Variants in DUSP19 observed in about 807,000 individuals in gnomAD.
The protein encoded by DUSP19 is dual specificity phosphatase 19, also known as dual specificity protein phosphatase 19.
DUSP19 carries 14 observed loss-of-function variants against 16.6 expected under a neutral mutation model. That is an observed-to-expected ratio of 0.84 (90% CI 0.56 to 1.32). The LOEUF (loss-of-function observed/expected upper bound fraction) is 1.32. Among genes scored for constraint, DUSP19 ranks in the 40% most tolerant of loss-of-function variants. DUSP19 has a pLI of 0.00. For synonymous variants in DUSP19, 81 were observed against 90.5 expected (o/e 0.90, Z 0.59); for missense variants, 258 against 255.9 (o/e 1.01, Z -0.06).
At chr2:183,079,886 C>T (rs974680503) in intron 1 of DUSP19, among the ~76,000 whole-genome samples, 2 of 152,158 alleles carry the variant, frequency 1.3e-5, no homozygotes, top group Admixed American at 1.3e-4. Context: ...GAAATTAAGA[C>T]TTGGAAAGAC....
intron 1 of DUSP19, among the ~76,000 whole-genome samples, chr2:183,082,668 C>G (rs1426999157): frequency 6.6e-6 from 1 of 152,124 alleles, no homozygotes; most frequent in Non-Finnish European, 1.5e-5. Flanking sequence ...AAGTGATCCA[C>G]CCACCTCAGC....
chr2:183,089,305 T>C (rs145996790), intron 3 of DUSP19, among the ~76,000 whole-genome samples: 1 of 152,208 alleles, frequency 6.6e-6, no homozygotes, highest in African/African-American at 2.4e-5. Flanking sequence ...CCACCCAAAA[T>C]ACCTCTGGAC....
chr2:183,082,670 C>T (rs1284345072), intron 1 of DUSP19, among the ~76,000 whole-genome samples: 1 of 152,040 alleles, frequency 6.6e-6, no homozygotes, highest in Admixed American at 6.6e-5. Flanking sequence ...GTGATCCACC[C>T]ACCTCAGCCT....
intron 3 of DUSP19, among the ~76,000 whole-genome samples, chr2:183,091,333 C>G (rs1188348939): frequency 2.0e-5 from 3 of 152,008 alleles, no homozygotes; most frequent in African/African-American, 7.3e-5. Flanking sequence ...AAACGCCCAT[C>G]AAAGCAAAGA....
intron 1 of DUSP19, among the ~76,000 whole-genome samples, chr2:183,081,590 A>T (rs1030558170): frequency 5.3e-5 from 8 of 152,166 alleles, no homozygotes; most frequent in Non-Finnish European, 1.2e-4. Flanking sequence ...TTTCCTCTGG[A>T]GTTGGTTAGG....
chr2:183,089,814 C>T (rs1699709534), intron 3 of DUSP19, among the ~76,000 whole-genome samples: 1 of 152,190 alleles, frequency 6.6e-6, no homozygotes, highest in African/African-American at 2.4e-5. Context: ...ATTTCCCTGC[C>T]CTGAAAACTC....
At chr2:183,085,877 T>G (rs1038755623) in intron 2 of DUSP19, among the ~76,000 whole-genome samples, 17 of 110,142 alleles carry the variant, frequency 1.5e-4, no homozygotes, top group African/African-American at 5.4e-4. Flanking sequence ...TTTTTTTTTT[T>G]TTTTTTGAGG....
intron 3 of DUSP19, among the ~76,000 whole-genome samples, chr2:183,093,435 A>G (rs1340031411): frequency 6.6e-6 from 1 of 152,212 alleles, no homozygotes; most frequent in Non-Finnish European, 1.5e-5. Flanking sequence ...AGAAGTCAGA[A>G]TTAGCTGTAC....
intron 3 of DUSP19, among the ~76,000 whole-genome samples, chr2:183,091,943 A>T (rs987693679): frequency 2.0e-5 from 3 of 152,074 alleles, no homozygotes; most frequent in African/African-American, 7.2e-5. Context: ...TGTATTTGTC[A>T]TATTTACATT....
Position 183,099,920 on chromosome 2 carries a change from C to T in DUSP19, c.*4262C>T, listed in dbSNP as rs1699852980. On this transcript the variant is annotated 3_prime_UTR_variant, in exon 4 of 4. Coordinates refer to ENST00000354221, the MANE Select transcript of DUSP19 (RefSeq NM_080876.4). ...GCTGAGGTAGGAGAATTGCTTGACCCTGGGAGGTGGAGGTGGCAGTGAGCC... is the reference window on the plus strand; with the variant it reads ...GCTGAGGTAGGAGAATTGCTTGACCTTGGGAGGTGGAGGTGGCAGTGAGCC... 1 of 151,172 alleles carries T rather than the reference C, an allele frequency of 6.6e-6. No individual in the cohort carries two copies. Among genetic ancestry groups the T allele is most frequent in the South Asian group, 2.1e-4 (1 of 4,804 alleles). The allele number at this position is 151,172 out of a possible 1,614,324, so 9.4% of individuals were successfully genotyped here.
rs763257807 is a variant in DUSP19 at position 183,096,989 on chromosome 2, CTTAAAA to C, written c.*1336_*1341del. The C allele has an allele frequency of 1.3e-5, 2 of 149,776 alleles. No homozygotes were observed. Among genetic ancestry groups the C allele is most frequent in the Admixed American group, 1.3e-4 (2 of 14,960 alleles). The allele number at this position is 149,776 out of a possible 1,614,324, so 9.3% of individuals were successfully genotyped here. ...GATTTTTTCTTCAGAATATGGTATA[CTTAAAA>C]TTAATTAATTAAGACAGTTTCTTTT... On this transcript the variant is annotated 3_prime_UTR_variant, in exon 4 of 4. Transcript: ENST00000354221.
chr2:183,091,850 G>A (rs1452606526), intron 3 of DUSP19, among the ~76,000 whole-genome samples: 1 of 152,190 alleles, frequency 6.6e-6, no homozygotes, highest in African/African-American at 2.4e-5. Flanking sequence ...GAGTAAAACA[G>A]CCTTAGGTTC....
In DUSP19 at chr2:183,094,215, C is replaced by A. The variant is rs568685595; in HGVS notation, c.427-1216C>A. On this transcript the variant is annotated intron_variant, in intron 3 of 3. Coordinates refer to ENST00000354221, the MANE Select transcript of DUSP19 (RefSeq NM_080876.4). ...CATTTGGCTTTCTTGAAAAGAGATG[C>A]ACTTGCAAATTTGTTACAGCAGATC... is the stretch of plus-strand genomic sequence containing the variant. 2.2e-4 allele frequency among the ~76,000 whole-genome samples: 34 copies of A among 152,258 alleles called. 1 individual carries two copies. The South Asian group carries it at 6.6e-3, about 30-fold the overall frequency.
chr2:183,095,481 A>G lies in DUSP19; in HGVS notation c.477A>G (p.Ala159=), dbSNP rs746248531. 1 of 1,613,520 alleles carries G rather than the reference A, an allele frequency of 6.2e-7. No homozygotes were observed. Among genetic ancestry groups the G allele is most frequent in the Non-Finnish European group, 8.5e-7 (1 of 1,179,874 alleles). Residue 159 remains alanine (A), a synonymous_variant, in exon 4 of 4, where the codon GCA becomes GCG. Transcript: ENST00000354221. ...HCNAGVSRAA[A]IVIGFLMNSE... ...ATGCAGGCGTTTCCAGGGCTGCTGC[A>G]ATTGTAATAGGTTTCCTGATGAATT...
At position 183,079,036 on chromosome 2, in the gene DUSP19, T is replaced by C; in HGVS notation, c.103T>C (p.Trp35Arg). The change falls in exon 1 of 4, where the codon TGG becomes CGG. Residue 35 changes from tryptophan to arginine, a missense_variant. By Grantham distance (101) the Trp-to-Arg change is moderately radical. Coordinates refer to ENST00000354221, the MANE Select transcript of DUSP19 (RefSeq NM_080876.4). Reference protein sequence around the residue: ...TLTGKKIIETWKDARIHVVEE... With the variant: ...TLTGKKIIETRKDARIHVVEE... ...AACTGGAAAGAAAATTATAGAAACA[T>C]GGAAAGATGCCAGAATTCATGTTGT... The C allele has an allele frequency of 6.2e-7, 1 of 1,614,046 alleles. No individual in the cohort carries two copies. Among genetic ancestry groups the C allele is most frequent in the Non-Finnish European group, 8.5e-7 (1 of 1,180,008 alleles).
At chr2:183,082,826 G>GTTCGTTCC (rs1699610245) in intron 1 of DUSP19, among the ~76,000 whole-genome samples, 1 of 135,382 alleles carries the variant, frequency 7.4e-6, no homozygotes, top group Non-Finnish European at 1.6e-5. Context: ...TCGTTCGTTC[G>GTTCGTTCC]TTCCTTCCTT....
At chr2:183,086,926 G>A in intron 2 of DUSP19, 114 bp from the exon 3 acceptor site, 1 of 913,566 alleles carries the variant, frequency 1.1e-6, no homozygotes, top group Non-Finnish European at 1.6e-6. Flanking sequence ...TCATTCAAGT[G>A]AGTCGCATTT....
intron 3 of DUSP19, among the ~76,000 whole-genome samples, chr2:183,088,047 A>T (rs1264166221): frequency 1.3e-5 from 2 of 152,248 alleles, no homozygotes; most frequent in Non-Finnish European, 2.9e-5. Flanking sequence ...AGATACAGTC[A>T]TGCACTGCAT....
At chr2:183,088,681 C>G (rs1457932379) in intron 3 of DUSP19, among the ~76,000 whole-genome samples, 1 of 151,978 alleles carries the variant, frequency 6.6e-6, no homozygotes, top group African/African-American at 2.4e-5. Context: ...CCTCAGCCTC[C>G]CAAAGTGCTA....
Sources: allele counts gnomAD v4.1 joint callset (sites outside exome capture counted in the v4.1 genomes callset), GRCh38; gene constraint gnomAD v4.1.1; transcripts MANE v1.5; gene names NCBI Gene and HGNC (gene_info 2026-07-23, HGNC 2026-07-21).